The following PFKFB2 variants were observed in gnomAD, a reference collection of about 807,000 sequenced individuals.
PFKFB2 encodes the protein 6-phosphofructo-2-kinase/fructose-2,6-bisphosphatase 2.
In PFKFB2, 53 loss-of-function variants were observed where a neutral mutation model predicts 68.0. The observed-to-expected ratio is 0.78, with a 90% CI of 0.63 to 0.98. PFKFB2 has a LOEUF of 0.98. Among genes scored for constraint, PFKFB2 ranks in the 50% least tolerant of loss-of-function variants. The pLI is 0.00. For missense variants in PFKFB2, 451 were observed against 642.0 expected, an observed-to-expected ratio of 0.70 and a Z score of 3.22; for synonymous variants, 222 against 227.6, an observed-to-expected ratio of 0.98 and a Z score of 0.22.
intron 14 of PFKFB2, among the ~76,000 whole-genome samples, chr1:207,071,900 A>G (rs1454707932): frequency 6.6e-6 from 1 of 152,198 alleles, no homozygotes; most frequent in African/African-American, 2.4e-5. Context: ...GGAGCCTATA[A>G]GGTGGGGGTC....
Position 207,070,121 on chromosome 1 carries a change from G to A in PFKFB2, c.1093-159G>A, listed in dbSNP as rs533452328. On this transcript the variant is annotated intron_variant, in intron 11 of 14. Coordinates refer to ENST00000367080, the MANE Select transcript of PFKFB2 (RefSeq NM_006212.2). This position sits in a 1 kb window ranked among gnomAD's most constrained non-coding sequence, Gnocchi z 4.2. Reference sequence around the variant, plus strand: ...TCTGAGTTTTCTCAAGAGATACCAGGGCTGGGGGCAGTTAGCAGGTGATGT... The same window carrying A: ...TCTGAGTTTTCTCAAGAGATACCAGAGCTGGGGGCAGTTAGCAGGTGATGT... Among the ~76,000 whole-genome samples the A allele has an allele frequency of 1.3e-5, 2 of 152,324 alleles. No individual in the cohort carries two copies. Among genetic ancestry groups the A allele is most frequent in the South Asian group, 4.1e-4 (2 of 4,826 alleles).
intron 1 of PFKFB2, among the ~76,000 whole-genome samples, chr1:207,039,782 G>A (rs1572704886): frequency 6.6e-6 from 1 of 152,294 alleles, no homozygotes; most frequent in Admixed American, 6.5e-5. Flanking sequence ...GAGCCAAAAA[G>A]ATAGTGAAGA....
intron 1 of PFKFB2, among the ~76,000 whole-genome samples, chr1:207,040,968 G>T (rs569468136): frequency 2.1e-4 from 27 of 129,168 alleles, no homozygotes; most frequent in Non-Finnish European, 3.7e-4. Flanking sequence ...TCGCTCTGTC[G>T]CCTAGGCTGG....
At position 207,072,286 on chromosome 1, in the gene PFKFB2, G is replaced by T. The variant is rs779972554; in HGVS notation, c.1433G>T (p.Arg478Leu). 4 of 1,614,186 alleles carry T rather than the reference G, an allele frequency of 2.5e-6. No individual in the cohort carries two copies. The South Asian group carries it at 4.4e-5, about 18-fold the overall frequency. ...CTGTCCAGTTCGAATACAATAAGGC[G>T]TCCAAGAAATTACAGTGTTGGGAGC... Reference protein sequence around the residue: ...TPLSSSNTIRRPRNYSVGSRP... With the variant: ...TPLSSSNTIRLPRNYSVGSRP... Residue 478 changes from arginine (R) to leucine (L), a missense_variant, in exon 15 of 15, where the codon CGT becomes CTT. Arg to Leu is a moderately radical substitution (Grantham distance 102, BLOSUM62 -2). Coordinates refer to ENST00000367080, the MANE Select transcript of PFKFB2 (RefSeq NM_006212.2).
chr1:207,056,715 G>A (rs1259220037), intron 2 of PFKFB2, among the ~76,000 whole-genome samples: 1 of 151,958 alleles, frequency 6.6e-6, no homozygotes, highest in Non-Finnish European at 1.5e-5. Flanking sequence ...TCTCTAAGAA[G>A]AAGAAGGTGT....
intron 1 of PFKFB2, among the ~76,000 whole-genome samples, chr1:207,053,569 C>A (rs1317752407): frequency 6.6e-6 from 1 of 152,166 alleles, no homozygotes; most frequent in Non-Finnish European, 1.5e-5. Flanking sequence ...CTCTTGAAGG[C>A]GCAGGATCTT....
downstream of PFKFB2, among the ~76,000 whole-genome samples, chr1:207,078,087 C>G (rs2102291985): frequency 6.6e-6 from 1 of 152,336 alleles, no homozygotes; most frequent in South Asian, 2.1e-4. Flanking sequence ...AATTACATTT[C>G]ACTGCACTGT....
In PFKFB2 at chr1:207,076,623, G is replaced by C. The variant is rs913034680; in HGVS notation, c.*4252G>C. The C allele has an allele frequency of 3.0e-3, 1,002 of 336,172 alleles. 5 individuals carry two copies. The highest frequency in any genetic ancestry group is 3.1e-3 in the Non-Finnish European group (863 of 276,800). The allele number at this position is 336,172 out of a possible 1,614,324, so 20.8% of individuals were successfully genotyped here. A position where few individuals can be genotyped will look rare whatever the true frequency, so the allele number is the denominator to read the frequency against. ...GGAGACTGTCTCTAGTTGGATCTCT[G>C]TGCTGACTGACTGACAGACAGACTT... On this transcript the variant is annotated 3_prime_UTR_variant, in exon 15 of 15. Coordinates refer to ENST00000367080, the MANE Select transcript of PFKFB2 (RefSeq NM_006212.2).
intron 2 of PFKFB2, 73 bp downstream of exon 2, chr1:207,054,875 C>T: frequency 9.6e-7 from 1 of 1,041,438 alleles, no homozygotes; most frequent in African/African-American, 1.6e-5. Context: ...TAATCCTGGA[C>T]TCTGCTGCTT....
chr1:207,074,052 A>G lies in PFKFB2; in HGVS notation c.*1681A>G. On this transcript the variant is annotated 3_prime_UTR_variant, in exon 15 of 15. Transcript: ENST00000367080. ...CCTTTAGGATTGTTGAATCATAAAC[A>G]TGCCTGTGTCCACCTTATGCTTAAT... is the stretch of plus-strand genomic sequence containing the variant. 1.1e-6 allele frequency: 1 copy of G among 913,450 alleles called. No homozygotes were observed. Among genetic ancestry groups the G allele is most frequent in the Non-Finnish European group, 1.3e-6 (1 of 764,370 alleles). 56.6% of individuals were successfully genotyped at this position (913,450 alleles called of 1,614,324 possible). A position where few individuals can be genotyped will look rare whatever the true frequency, so the allele number is the denominator to read the frequency against.
chr1:207,039,222 A>G (rs1450325488), intron 1 of PFKFB2, among the ~76,000 whole-genome samples: 1 of 152,230 alleles, frequency 6.6e-6, no homozygotes, highest in Non-Finnish European at 1.5e-5. Flanking sequence ...TGTACTCCAT[A>G]ATATTAACAC....
In PFKFB2 at chr1:207,074,892, T is replaced by C. The variant is rs2102286342; in HGVS notation, c.*2521T>C. ...TCCTATGGCTATGAGACTACAGGGG[T>C]TGGGGGATGGGGATGCCCCCACCAC... On this transcript the variant is annotated 3_prime_UTR_variant, in exon 15 of 15. Transcript: ENST00000367080. 1.0e-6 allele frequency: 1 copy of C among 985,332 alleles called. No individual in the cohort carries two copies. The highest frequency in any genetic ancestry group is 1.1e-4 in the East Asian group (1 of 8,822). 61.0% of individuals were successfully genotyped at this position (985,332 alleles called of 1,614,324 possible). A position where few individuals can be genotyped will look rare whatever the true frequency, so the allele number is the denominator to read the frequency against.
At chr1:207,040,810 G>C (rs551108855) in intron 1 of PFKFB2, among the ~76,000 whole-genome samples, 40 of 151,666 alleles carry the variant, frequency 2.6e-4, no homozygotes, top group African/African-American at 8.2e-4. Context: ...TGTAGCCTTC[G>C]CCACATAACT....
At chr1:207,067,798 AT>A in intron 9 of PFKFB2, 92 bp downstream of exon 9, 1 of 1,068,362 alleles carries the variant, frequency 9.4e-7, no homozygotes, top group South Asian at 1.4e-5. Flanking sequence ...CTTAAATCCC[AT>A]TTGGACGTAG....
intron 1 of PFKFB2, among the ~76,000 whole-genome samples, chr1:207,040,971 T>C (rs1426312278): frequency 7.2e-6 from 1 of 138,606 alleles, no homozygotes; most frequent in African/African-American, 2.8e-5. Context: ...CTCTGTCGCC[T>C]AGGCTGGAGT....
At chr1:207,078,921 A>G, downstream of PFKFB2, 4 of 1,592,308 alleles carry the variant, frequency 2.5e-6, no homozygotes, top group Non-Finnish European at 3.4e-6. Context: ...CAGTGCTGTA[A>G]TAGCTTTGTG....
At chr1:207,043,953 T>C (rs997155391) in intron 2 of PFKFB2, 7 of 152,606 alleles carry the variant, frequency 4.6e-5, no homozygotes, top group African/African-American at 7.2e-5. Context: ...TTAATGACAA[T>C]GGCAAAATCA....
upstream of PFKFB2, chr1:207,049,446 T>C (rs768085574): frequency 1.2e-6 from 2 of 1,614,230 alleles, no homozygotes; most frequent in South Asian, 2.2e-5. Context: ...CACAGTACTC[T>C]TGATTTGTTT....
intron 8 of PFKFB2, among the ~76,000 whole-genome samples, chr1:207,066,490 A>G (rs1006111024): frequency 9.9e-5 from 15 of 152,220 alleles, no homozygotes; most frequent in African/African-American, 3.6e-4. Flanking sequence ...ATATGGCATA[A>G]AAGTATTCTT....
Sources: allele counts gnomAD v4.1 joint callset (sites outside exome capture counted in the v4.1 genomes callset), GRCh38; gene constraint gnomAD v4.1.1; non-coding constraint Gnocchi (gnomAD v3.1); transcripts MANE v1.5; gene names NCBI Gene and HGNC (gene_info 2026-07-23, HGNC 2026-07-21).